The following NRBF2 variants were observed in gnomAD, a reference collection of about 807,000 sequenced individuals.
NRBF2 encodes the protein nuclear receptor binding factor 2, also known as nuclear receptor-binding factor 2.
NRBF2 carries 12 observed loss-of-function variants against 28.5 expected under a neutral mutation model. The ratio of observed to expected loss-of-function variants is 0.42; its 90% confidence interval spans 0.27 to 0.68. The LOEUF is 0.68. Among genes scored for constraint, NRBF2 ranks in the 30% least tolerant of loss-of-function variants. The pLI is 0.24. For synonymous variants in NRBF2, 102 were observed against 116.5 expected (o/e 0.88, Z 0.80); for missense variants, 274 against 333.5 (o/e 0.82, Z 1.39).
chr10:63,135,674 G>A (rs963188269), intron 1 of NRBF2, among the ~76,000 whole-genome samples: 9 of 145,544 alleles, frequency 6.2e-5, no homozygotes, highest in African/African-American at 2.1e-4. Flanking sequence ...TTGAGATGGA[G>A]TCTCTCTCTG....
intron 1 of NRBF2, among the ~76,000 whole-genome samples, chr10:63,143,868 T>C (rs1841515933): frequency 6.6e-6 from 1 of 150,840 alleles, no homozygotes; most frequent in Admixed American, 6.7e-5. Flanking sequence ...TTGTCCTACC[T>C]CAGCCTCCTC....
intron 2 of NRBF2, chr10:63,150,369 G>A (rs1841629424): frequency 1.0e-6 from 1 of 982,808 alleles, no homozygotes; most frequent in African/African-American, 1.8e-5. Context: ...AAGCATAGCT[G>A]GAGCAAAGAC....
At chr10:63,141,303 C>T (rs1416158044) in intron 1 of NRBF2, among the ~76,000 whole-genome samples, 1 of 152,198 alleles carries the variant, frequency 6.6e-6, no homozygotes, top group African/African-American at 2.4e-5. Context: ...GGATGTGGTG[C>T]CGTGTGACTG....
At chr10:63,152,621 C>G (rs1039060652) in intron 3 of NRBF2, among the ~76,000 whole-genome samples, 6 of 152,188 alleles carry the variant, frequency 3.9e-5, no homozygotes, top group Non-Finnish European at 8.8e-5. Flanking sequence ...TTAAGCAGTT[C>G]AGGCACTTTT....
chr10:63,142,293 G>GT (rs1261835924), intron 1 of NRBF2, among the ~76,000 whole-genome samples: 2,166 of 134,938 alleles, frequency 0.016, 93 homozygotes, highest in East Asian at 0.13. Flanking sequence ...CAGAACCTTT[G>GT]TTTTTTTTGT....
intron 2 of NRBF2, among the ~76,000 whole-genome samples, chr10:63,149,214 T>C (rs894315108): frequency 5.3e-5 from 8 of 152,200 alleles, no homozygotes; most frequent in Non-Finnish European, 1.0e-4. Context: ...CCTCCCAGGC[T>C]CAAGTGATTC....
intron 1 of NRBF2, among the ~76,000 whole-genome samples, chr10:63,135,602 A>G (rs1841362893): frequency 6.6e-6 from 1 of 151,970 alleles, no homozygotes; most frequent in Non-Finnish European, 1.5e-5. Flanking sequence ...TATTTCAGCC[A>G]TAAAATTTAT....
At chr10:63,144,315 G>C (rs1049144945) in intron 1 of NRBF2, among the ~76,000 whole-genome samples, 5 of 151,824 alleles carry the variant, frequency 3.3e-5, no homozygotes, top group Non-Finnish European at 7.4e-5. Flanking sequence ...TACCCAATAA[G>C]TCGATTTGTA....
At chr10:63,137,412 T>A (rs1841392969) in intron 1 of NRBF2, among the ~76,000 whole-genome samples, 1 of 152,214 alleles carries the variant, frequency 6.6e-6, no homozygotes, top group Non-Finnish European at 1.5e-5. Flanking sequence ...AGTTCTTTGG[T>A]TTGTTTGCTG....
In NRBF2 at chr10:63,154,537, G is replaced by T; in HGVS notation, c.*319G>T. 1 of 208,590 alleles carries T rather than the reference G, an allele frequency of 4.8e-6. No homozygotes were observed. Among genetic ancestry groups the T allele is most frequent in the African/African-American group, 2.3e-5 (1 of 43,324 alleles). 12.9% of individuals were successfully genotyped at this position (208,590 alleles called of 1,614,324 possible). A position where few individuals can be genotyped will look rare whatever the true frequency, so the allele number is the denominator to read the frequency against. On this transcript the variant is annotated 3_prime_UTR_variant, in exon 4 of 4. Coordinates refer to ENST00000277746, the MANE Select transcript of NRBF2 (RefSeq NM_030759.5). The stretch of plus-strand genomic sequence containing the variant: ...AACAGTTATTTTTCTTATCTTCAGG[G>T]TTAAAATGTATAAAAGTTATGTGTA...
At chr10:63,134,595 G>T (rs1373093922) in intron 1 of NRBF2, among the ~76,000 whole-genome samples, 1 of 152,108 alleles carries the variant, frequency 6.6e-6, no homozygotes, top group Admixed American at 6.5e-5. Flanking sequence ...GGCTTCACTC[G>T]GCTTCAGGTT....
chr10:63,144,667 C>T (rs1036571636), intron 1 of NRBF2, among the ~76,000 whole-genome samples: 17 of 152,050 alleles, frequency 1.1e-4, no homozygotes, highest in Non-Finnish European at 1.8e-4. Flanking sequence ...TTGCCTGCCT[C>T]GGCCTCCAAA....
At chr10:63,139,023 G>A (rs10761720) in intron 1 of NRBF2, among the ~76,000 whole-genome samples, 95,588 of 151,480 alleles carry the variant, frequency 0.63, 32,811 homozygotes, top group Non-Finnish European at 0.78. Context: ...TTTCTTTTTC[G>A]TTTTGAGACA....
intron 1 of NRBF2, among the ~76,000 whole-genome samples, chr10:63,140,938 A>G (rs1201095810): frequency 1.3e-5 from 2 of 151,866 alleles, no homozygotes; most frequent in Non-Finnish European, 2.9e-5. Flanking sequence ...TGACCTCGTG[A>G]TCTGCCTGCC....
chr10:63,149,489 T>G (rs1238775952), intron 2 of NRBF2, among the ~76,000 whole-genome samples: 4 of 152,258 alleles, frequency 2.6e-5, no homozygotes, highest in Non-Finnish European at 2.9e-5. Flanking sequence ...TTAACGAGGA[T>G]TGTTAGCAGT....
chr10:63,152,165 C>T lies in NRBF2; in HGVS notation c.131C>T (p.Ala44Val). ...CTCTTAACAGCATATCTTTCTGAAGCCATGAAGCTGACACAGTCAGAGCAG... is the reference window on the plus strand; with the variant it reads ...CTCTTAACAGCATATCTTTCTGAAGTCATGAAGCTGACACAGTCAGAGCAG... ...HKKAAAYLSE[A>V]MKLTQSEQAH... Residue 44 changes from alanine to valine, a missense_variant, in exon 3 of 4, where the codon GCC (alanine) becomes GTC (valine). Coordinates refer to ENST00000277746, the MANE Select transcript of NRBF2 (RefSeq NM_030759.5). The T allele has an allele frequency of 1.9e-6, 3 of 1,613,364 alleles. No homozygotes were observed. The highest frequency in any genetic ancestry group is 1.7e-6 in the Non-Finnish European group (2 of 1,179,466).
chr10:63,152,128 T>G, intron 2 of NRBF2, 22 bp from the exon 3 acceptor site: 1 of 1,596,170 alleles, frequency 6.3e-7, no homozygotes, highest in Non-Finnish European at 8.6e-7. Context: ...CATATTAACA[T>G]GCCTATTTTT....
intron 1 of NRBF2, among the ~76,000 whole-genome samples, chr10:63,136,784 C>G (rs1475174437): frequency 2.0e-5 from 3 of 152,134 alleles, no homozygotes; most frequent in African/African-American, 7.2e-5. Flanking sequence ...TACCTCTGCT[C>G]CAGTATTGAT....
chr10:63,146,290 G>T lies in NRBF2; in HGVS notation c.112G>T (p.Ala38Ser), dbSNP rs1179675325. The part of the protein sequence containing the change: ...EEAISCHKKA[A>S]AYLSEAMKLT... ...GGCTATTTCTTGTCACAAAAAGGCT[G>T]CAGGTGAGTATTCTTATTAAGTACT... The change falls in exon 2 of 4, where the codon GCA (alanine) becomes TCA (serine). Residue 38 changes from alanine to serine, a missense_variant. Transcript: ENST00000277746. 1 of 1,608,398 alleles carries T rather than the reference G, an allele frequency of 6.2e-7. No homozygotes were observed. Among genetic ancestry groups the T allele is most frequent in the Non-Finnish European group, 8.5e-7 (1 of 1,176,910 alleles).
Sources: allele counts gnomAD v4.1 joint callset (sites outside exome capture counted in the v4.1 genomes callset), GRCh38; gene constraint gnomAD v4.1.1; transcripts MANE v1.5; gene names NCBI Gene and HGNC (gene_info 2026-07-23, HGNC 2026-07-21).